SLC11A2: variants seen among roughly 807,000 people sequenced by gnomAD.
The protein encoded by SLC11A2 is solute carrier family 11 member 2, also known as natural resistance-associated macrophage protein 2.
In SLC11A2, 38 loss-of-function variants were observed where a neutral mutation model predicts 68.0. That is an observed-to-expected ratio of 0.56 (90% CI 0.43 to 0.73). The LOEUF (loss-of-function observed/expected upper bound fraction) is 0.73. Among genes scored for constraint, SLC11A2 ranks in the 30% least tolerant of loss-of-function variants. SLC11A2 has a pLI of 0.00. For missense variants in SLC11A2, 517 were observed against 690.5 expected (o/e 0.75, Z 2.82); for synonymous variants, 242 against 250.6 (o/e 0.97, Z 0.32).
At chr12:50,976,448 C>T (rs1386715667), downstream of SLC11A2, among the ~76,000 whole-genome samples, 7 of 152,190 alleles carry the variant, frequency 4.6e-5, no homozygotes, top group Non-Finnish European at 5.9e-5. Context: ...AATAGCCCTT[C>T]ATGCTAAAAA....
At chr12:51,025,888 C>A in intron 1 of SLC11A2, 1 of 989,142 alleles carries the variant, frequency 1.0e-6, no homozygotes, top group Non-Finnish European at 1.2e-6. Flanking sequence ...GAGAGCAGCC[C>A]GGCCCCCTGC....
At chr12:51,000,275 G>A (rs370002584) in intron 6 of SLC11A2, 38 bp downstream of exon 6, 3 of 1,427,912 alleles carry the variant, frequency 2.1e-6, no homozygotes, top group East Asian at 4.5e-5. Context: ...TGGAAATCCA[G>A]CAAAACACTG....
chr12:50,973,001 A>AACTG, the SLC11A2 span, among the ~76,000 whole-genome samples: 1 of 152,196 alleles, frequency 6.6e-6, no homozygotes, highest in African/African-American at 2.4e-5. Flanking sequence ...GCAAAGCTCG[A>AACTG]ACTGGGTGGA....
intron 2 of SLC11A2, chr12:51,008,969 T>G: frequency 3.1e-6 from 2 of 644,746 alleles, no homozygotes. Context: ...AGCCATTTCA[T>G]TTTCCTCTAA....
At chr12:50,961,307 C>G in the SLC11A2 span, among the ~76,000 whole-genome samples, 11 of 152,078 alleles carry the variant, frequency 7.2e-5, no homozygotes, top group Non-Finnish European at 1.0e-4. Flanking sequence ...CTGACAAAAC[C>G]TATGGTAGAA....
In SLC11A2 at chr12:50,996,850, T is replaced by C; in HGVS notation, c.798A>G (p.Pro266=). The C allele has an allele frequency of 1.9e-6, 3 of 1,614,108 alleles. No homozygotes were observed. The highest frequency in any genetic ancestry group is 2.5e-6 in the Non-Finnish European group (3 of 1,180,000). ...AGGCAGAATGCAGGTACATGTTGTG[T>C]GGCATGATGACAGCTCCCACGATGC... ...AVGIVGAVIM[P]HNMYLHSALV... Residue 266 remains proline (P), a synonymous_variant, in exon 9 of 16, where the codon CCA becomes CCG. Transcript: ENST00000262052.
upstream of SLC11A2, among the ~76,000 whole-genome samples, chr12:51,026,897 C>A (rs1227826209): frequency 2.0e-5 from 3 of 152,202 alleles, no homozygotes; most frequent in East Asian, 5.8e-4. Flanking sequence ...CAAGCAAAGG[C>A]CGGGCGCGGT....
chr12:50,954,003 C>T, the SLC11A2 span: 7,417 of 1,604,596 alleles, frequency 4.6e-3, 32 homozygotes, highest in Non-Finnish European at 5.7e-3. Flanking sequence ...AAAAAAATGT[C>T]TTCAGATAAC....
the SLC11A2 span, among the ~76,000 whole-genome samples, chr12:50,956,006 C>T: frequency 1.3e-5 from 2 of 152,196 alleles, no homozygotes; most frequent in Admixed American, 1.3e-4. Context: ...TGACTTTAAT[C>T]TCCAAAAGAA....
intron 1 of SLC11A2, among the ~76,000 whole-genome samples, chr12:51,011,329 C>T (rs922301732): frequency 4.0e-5 from 6 of 151,894 alleles, no homozygotes; most frequent in Non-Finnish European, 8.8e-5. Flanking sequence ...AGGGTTTCAC[C>T]GTGTTAGCCA....
the SLC11A2 span, among the ~76,000 whole-genome samples, chr12:50,964,683 T>C: frequency 2.0e-5 from 3 of 152,142 alleles, no homozygotes; most frequent in South Asian, 4.1e-4. Flanking sequence ...GTAAAAGATA[T>C]ACAGAAAAAA....
the SLC11A2 span, among the ~76,000 whole-genome samples, chr12:50,964,991 G>C: frequency 1.3e-5 from 2 of 152,158 alleles, no homozygotes; most frequent in African/African-American, 4.8e-5. Flanking sequence ...CCAAAGTGTT[G>C]GGATTACAGG....
chr12:50,965,052 G>C, the SLC11A2 span, among the ~76,000 whole-genome samples: 1 of 152,106 alleles, frequency 6.6e-6, no homozygotes, highest in African/African-American at 2.4e-5. Flanking sequence ...CCTTGATGAT[G>C]GCACTAATCT....
the SLC11A2 span, among the ~76,000 whole-genome samples, chr12:50,963,369 CAAAAAAAAAAAA>C: frequency 1.4e-5 from 1 of 72,400 alleles, no homozygotes. Flanking sequence ...GACTCCATCT[CAAAAAAAAAAAA>C]AAAAAAAAAA....
At chr12:51,009,252 C>T in intron 2 of SLC11A2, 1 of 1,329,054 alleles carries the variant, frequency 7.5e-7, no homozygotes, top group Non-Finnish European at 9.6e-7. Flanking sequence ...TGTACTCTGA[C>T]TAAGGCTTGC....
chr12:50,960,874 C>T, the SLC11A2 span: 1 of 1,051,358 alleles, frequency 9.5e-7, no homozygotes, highest in African/African-American at 1.6e-5. Context: ...GAGATGGGGT[C>T]TTGCTATGTT....
intron 1 of SLC11A2, among the ~76,000 whole-genome samples, chr12:51,011,416 A>G (rs1943215678): frequency 6.6e-6 from 1 of 150,464 alleles, no homozygotes; most frequent in African/African-American, 2.4e-5. Context: ...GCATGAGCCA[A>G]CGCACCTGGC....
chr12:50,961,057 A>T, the SLC11A2 span: 41 of 1,613,740 alleles, frequency 2.5e-5, no homozygotes, highest in Non-Finnish European at 3.4e-5. Context: ...TCTTATTCAC[A>T]TGAGAGTTGC....
the SLC11A2 span, among the ~76,000 whole-genome samples, chr12:50,958,972 G>T: frequency 6.6e-6 from 1 of 151,656 alleles, no homozygotes; most frequent in African/African-American, 2.4e-5. Flanking sequence ...AGCTGAGATT[G>T]TACCACTTCA....
Sources: gnomAD v4.1 joint callset for allele counts (sites outside exome capture counted in the v4.1 genomes callset) on GRCh38, gnomAD v4.1.1 for gene constraint, MANE v1.5 for transcripts, NCBI Gene and HGNC (gene_info 2026-07-23, HGNC 2026-07-21) for gene names.